MXD3: variants seen among roughly 807,000 people sequenced by gnomAD.
MXD3 encodes MAX dimerization protein 3.
In MXD3, 20 loss-of-function variants were observed where a neutral mutation model predicts 27.5. The observed-to-expected ratio is 0.73, with a 90% CI of 0.51 to 1.06. The LOEUF (loss-of-function observed/expected upper bound fraction) is 1.06. Among genes scored for constraint, MXD3 ranks in the 50% least tolerant of loss-of-function variants. The pLI, the probability that MXD3 is intolerant of heterozygous loss-of-function variation, is 0.00. For missense variants in MXD3, 298 were observed against 291.3 expected, an observed-to-expected ratio of 1.02 and a Z score of -0.17; for synonymous variants, 150 against 130.7, an observed-to-expected ratio of 1.15 and a Z score of -1.01.
upstream of MXD3, chr5:177,312,703 G>A (rs1216722059): frequency 1.5e-5 from 15 of 985,488 alleles, no homozygotes; most frequent in Non-Finnish European, 1.8e-5. Context: ...ACGTCAGTGG[G>A]GTAACAGCTT....
Position 177,311,801 on chromosome 5 carries a change from G to A in MXD3, c.30C>T (p.Val10=). Reference sequence around the variant, plus strand: ...CCAGGAACTCGGCCGCCTGCAGCAGGACCTGGATGTTGCTGGCCAAGGGTT... The same window carrying A: ...CCAGGAACTCGGCCGCCTGCAGCAGAACCTGGATGTTGCTGGCCAAGGGTT... MEPLASNIQ[V]LLQAAEFLER... is the part of the protein sequence containing the mutation. The change falls in exon 1 of 6, where the codon GTC becomes GTT. Residue 10 remains valine (V), a synonymous_variant. Transcript: ENST00000439742. 1 of 1,613,160 alleles carries A rather than the reference G, an allele frequency of 6.2e-7. No homozygotes were observed. The highest frequency in any genetic ancestry group is 8.5e-7 in the Non-Finnish European group (1 of 1,179,542).
At chr5:177,307,740 G>A (rs769063479) in intron 5 of MXD3, 37 bp from the exon 6 acceptor site, 302 of 1,609,900 alleles carry the variant, frequency 1.9e-4, no homozygotes, top group Non-Finnish European at 2.3e-4. Context: ...GACCTGGCTC[G>A]CCCCGAGGGC....
intron 4 of MXD3, among the ~76,000 whole-genome samples, chr5:177,308,863 T>C (rs989606796): frequency 6.6e-6 from 1 of 151,978 alleles, no homozygotes; most frequent in Non-Finnish European, 1.5e-5. Context: ...CCCATACCCC[T>C]ACCTCCCGCC....
rs1296068719 is a variant in MXD3, at chr5:177,307,606, G to GC, written c.602dup (p.Gly202ArgfsTer?). On this transcript the variant is annotated frameshift_variant, in exon 6 of 6. Coordinates refer to ENST00000439742, the MANE Select transcript of MXD3 (RefSeq NM_031300.4). LOFTEE classifies it high-confidence loss of function. ...AGGAACATCATAGCCAGGCGCCGCCGCCGTGCGAGTAGCTGTGCTCCTGGC... is the reference window on the plus strand; with the variant it reads ...AGGAACATCATAGCCAGGCGCCGCCGCCCGTGCGAGTAGCTGTGCTCCTGGC... 2 of 1,612,704 alleles carry GC rather than the reference G, an allele frequency of 1.2e-6. No homozygotes were observed. Among genetic ancestry groups the GC allele is most frequent in the Non-Finnish European group, 1.7e-6 (2 of 1,179,918 alleles).
chr5:177,311,982 G>A (rs1761051022), upstream of MXD3: 1 of 1,308,346 alleles, frequency 7.6e-7, no homozygotes, highest in Non-Finnish European at 9.8e-7. Flanking sequence ...CCAGCCCTTG[G>A]CTCCGCCCCT....
intron 4 of MXD3, among the ~76,000 whole-genome samples, chr5:177,309,117 G>A (rs1760973897): frequency 6.6e-6 from 1 of 152,232 alleles, no homozygotes; most frequent in South Asian, 2.1e-4. Context: ...GTGGGGCACA[G>A]GGAGAGATGA....
intron 1 of MXD3, 45 bp downstream of exon 1, chr5:177,311,716 T>C (rs778077763): frequency 6.3e-7 from 1 of 1,590,394 alleles, no homozygotes. Context: ...CAGGCCCGTG[T>C]CAGCGAGGTC....
Position 177,307,832 on chromosome 5 carries a change from C to T in MXD3, c.454G>A (p.Asp152Asn), listed in dbSNP as rs2127300663. ...GAGAGGCCTGAGGAGTCCAGACTGT[C>T]CGCCCGCAGCCGCTCCCGCTCGGCC... ...GAAERERLRADSLDSSGLSSE... is the reference protein window; with the variant it reads ...GAAERERLRANSLDSSGLSSE... Residue 152 changes from aspartate (D) to asparagine (N), a missense_variant, in exon 5 of 6, where the codon GAC becomes AAC. Transcript: ENST00000439742. 3 of 1,611,518 alleles carry T rather than the reference C, an allele frequency of 1.9e-6. No homozygotes were observed. Among genetic ancestry groups the T allele is most frequent in the Non-Finnish European group, 2.5e-6 (3 of 1,179,438 alleles).
chr5:177,310,313 C>T, intron 4 of MXD3, 113 bp downstream of exon 4: 1 of 748,562 alleles, frequency 1.3e-6, no homozygotes, highest in Non-Finnish European at 2.1e-6. Flanking sequence ...TCCTAAGTCA[C>T]ACAGTTCTTG....
In MXD3 at chr5:177,307,590, A is replaced by T. The variant is rs767288587; in HGVS notation, c.619T>A (p.Ter207ArgextTer38). The T allele has an allele frequency of 6.2e-7, 1 of 1,612,434 alleles. No homozygotes were observed. The highest frequency in any genetic ancestry group is 8.5e-7 in the Non-Finnish European group (1 of 1,179,862). The part of the protein sequence containing the change: ...SYSHGGGAWL[*>R] ...AGGCCCGCCCTGGGTGAGGAACATC[A>T]TAGCCAGGCGCCGCCGCCGTGCGAG... The change falls in exon 6 of 6, where the codon TGA (stop) becomes AGA (arginine). Residue 207 changes from the stop codon to arginine (R), a stop_lost. Transcript: ENST00000439742.
At position 177,307,822 on chromosome 5, in the gene MXD3, T is replaced by G. The variant is rs781561971; in HGVS notation, c.464A>C (p.Asp155Ala). The G allele has an allele frequency of 6.2e-7, 1 of 1,611,980 alleles. No individual in the cohort carries two copies. The highest frequency in any genetic ancestry group is 8.5e-7 in the Non-Finnish European group (1 of 1,179,504). ...ERERLRADSLDSSGLSSERSD... is the reference protein window; with the variant it reads ...ERERLRADSLASSGLSSERSD... Reference sequence around the variant, plus strand: ...GCGCTCAGAGGAGAGGCCTGAGGAGTCCAGACTGTCCGCCCGCAGCCGCTC... The same window carrying G: ...GCGCTCAGAGGAGAGGCCTGAGGAGGCCAGACTGTCCGCCCGCAGCCGCTC... The change falls in exon 5 of 6, where the codon GAC becomes GCC. Residue 155 changes from aspartate to alanine, a missense_variant. By Grantham distance (126) the Asp-to-Ala change is moderately radical. Coordinates refer to ENST00000439742, the MANE Select transcript of MXD3 (RefSeq NM_031300.4).
chr5:177,310,601 G>A, intron 3 of MXD3, 61 bp from the exon 4 acceptor site: 1 of 1,613,022 alleles, frequency 6.2e-7, no homozygotes, highest in Non-Finnish European at 8.5e-7. Flanking sequence ...AGGAATGGCA[G>A]GGGAGGGAAG....
downstream of MXD3, chr5:177,305,867 A>G: frequency 6.2e-7 from 1 of 1,613,202 alleles, no homozygotes; most frequent in Non-Finnish European, 8.5e-7. Flanking sequence ...TGGCCTCTGC[A>G]TAGGTGGTGG....
In MXD3 at chr5:177,308,573, A is replaced by G. The variant is rs577651540; in HGVS notation, c.322-609T>C. ...TTTTTAGTGGAGACGGGGTTTCACCATATTGGTCAGGCTGGTCTCAAACTC... is the reference window on the plus strand; with the variant it reads ...TTTTTAGTGGAGACGGGGTTTCACCGTATTGGTCAGGCTGGTCTCAAACTC... On this transcript the variant is annotated intron_variant, in intron 4 of 5. Coordinates refer to ENST00000439742, the MANE Select transcript of MXD3 (RefSeq NM_031300.4). Among the ~76,000 whole-genome samples, 52 of 152,034 alleles carry G rather than the reference A, an allele frequency of 3.4e-4. 2 individuals carry two copies. In the Middle Eastern group the frequency reaches 0.01, roughly 30 times the overall value.
chr5:177,307,085 GAATT>G (rs777681220), downstream of MXD3: 28 of 1,472,312 alleles, frequency 1.9e-5, no homozygotes, highest in South Asian at 3.5e-4. Context: ...CAAGTTGTGA[GAATT>G]AAGTGCACTG....
At chr5:177,305,501 C>T (rs746886242), downstream of MXD3, 7 of 261,830 alleles carry the variant, frequency 2.7e-5, no homozygotes, top group East Asian at 1.0e-4. Flanking sequence ...GCCACCGCGC[C>T]GGGCAAATGT....
At chr5:177,306,652 T>A, downstream of MXD3, 1 of 1,524,018 alleles carries the variant, frequency 6.6e-7, no homozygotes, top group Non-Finnish European at 8.9e-7. Flanking sequence ...TCATTAAAAA[T>A]CAACTTCCAG....
At chr5:177,311,552 C>T in intron 1 of MXD3, 68 bp from the exon 2 acceptor site, 1 of 1,298,450 alleles carries the variant, frequency 7.7e-7, no homozygotes, top group Non-Finnish European at 1.0e-6. Context: ...GCCCCAGGCA[C>T]AGCACGGTCA....
chr5:177,305,989 G>A (rs1760861756), downstream of MXD3: 1 of 1,613,408 alleles, frequency 6.2e-7, no homozygotes, highest in East Asian at 2.2e-5. Context: ...GTCCAGGTGA[G>A]CAGTGTTGTT....
Sources: gnomAD v4.1 joint callset for allele counts (sites outside exome capture counted in the v4.1 genomes callset) on GRCh38, gnomAD v4.1.1 for gene constraint, MANE v1.5 for transcripts, NCBI Gene and HGNC (gene_info 2026-07-23, HGNC 2026-07-21) for gene names.